The following GLO1 variants were observed in gnomAD, a reference collection of about 807,000 sequenced individuals.
GLO1 encodes the protein glyoxalase I, also known as lactoylglutathione lyase.
A neutral mutation model predicts 26.0 loss-of-function variants in GLO1; 28 were observed. The ratio of observed to expected loss-of-function variants is 1.08; its 90% CI spans 0.80 to 1.48. The LOEUF (loss-of-function observed/expected upper bound fraction) is 1.48. GLO1 is among the 40% of genes most tolerant of loss of function. GLO1 has a pLI of 0.00. For missense variants in GLO1, 225 were observed against 224.8 expected, an observed-to-expected ratio of 1.00 and a Z score of -0.01; for synonymous variants, 78 against 77.6, an observed-to-expected ratio of 1.00 and a Z score of -0.03.
In GLO1 at chr6:38,682,089, A is replaced by C. The variant is rs755882211; in HGVS notation, c.389T>G (p.Ile130Ser). The C allele has an allele frequency of 6.3e-7, 1 of 1,575,338 alleles. No homozygotes were observed. The highest frequency in any genetic ancestry group is 1.1e-5 in the South Asian group (1 of 90,326). ...SDPRGFGHIG[I>S]AVPDVYSACK... is the part of the protein sequence containing the mutation. Reference sequence around the variant, plus strand: ...AGCACTGTATACATCAGGAACAGCAATTCCAATATGACCTTACGTGATACC... The same window carrying C: ...AGCACTGTATACATCAGGAACAGCACTTCCAATATGACCTTACGTGATACC... Residue 130 changes from isoleucine (I) to serine (S), a missense_variant, in exon 5 of 6, where the codon ATT becomes AGT. Physicochemically the swap from Ile to Ser is moderately radical, Grantham distance 142. Coordinates refer to ENST00000373365, the MANE Select transcript of GLO1 (RefSeq NM_006708.3).
rs1034918236 is a variant in GLO1 at position 38,677,133 on chromosome 6, A to C, written c.*162T>G. On this transcript the variant is annotated 3_prime_UTR_variant, in exon 6 of 6. Transcript: ENST00000373365. ...TGCTTGAAAACCAGAATGACTGAACAGTTAGGTGAAAAGGAACAGCTGAAA... is the reference window on the plus strand; with the variant it reads ...TGCTTGAAAACCAGAATGACTGAACCGTTAGGTGAAAAGGAACAGCTGAAA... 2 of 638,236 alleles carry C rather than the reference A, an allele frequency of 3.1e-6. No individual in the cohort carries two copies. Among genetic ancestry groups the C allele is most frequent in the Non-Finnish European group, 5.6e-6 (2 of 360,100 alleles). 39.5% of individuals were successfully genotyped at this position (638,236 alleles called of 1,614,324 possible).
chr6:38,689,817 C>T (rs114031410), intron 1 of GLO1, among the ~76,000 whole-genome samples: 2,587 of 151,986 alleles, frequency 0.017, 54 homozygotes, highest in African/African-American at 0.058. Context: ...AGTGGTGGTG[C>T]ACGAATTAAT....
At chr6:38,700,349 G>A (rs1272376657) in intron 1 of GLO1, among the ~76,000 whole-genome samples, 1 of 152,204 alleles carries the variant, frequency 6.6e-6, no homozygotes, top group Admixed American at 6.5e-5. Flanking sequence ...GATCCCCACA[G>A]CTGAAATACA....
intron 5 of GLO1, among the ~76,000 whole-genome samples, chr6:38,678,348 A>G (rs12198861): frequency 2.0e-5 from 3 of 148,540 alleles, no homozygotes; most frequent in Non-Finnish European, 3.0e-5. Context: ...GAAAGAGAGA[A>G]AGAGAGAAGG....
chr6:38,693,703 A>T (rs7741191), intron 1 of GLO1, among the ~76,000 whole-genome samples: 3 of 139,430 alleles, frequency 2.2e-5, no homozygotes, highest in Non-Finnish European at 3.0e-5. Context: ...ATATATATAT[A>T]TATTTGTTTT....
chr6:38,688,707 C>T (rs1781714), intron 1 of GLO1, among the ~76,000 whole-genome samples: 183 of 152,314 alleles, frequency 1.2e-3, no homozygotes, highest in African/African-American at 4.3e-3. Context: ...TTCTCAGTCT[C>T]AGGAGGGAGC....
At chr6:38,677,940 A>C (rs1376127743) in intron 5 of GLO1, among the ~76,000 whole-genome samples, 2 of 152,154 alleles carry the variant, frequency 1.3e-5, no homozygotes, top group Non-Finnish European at 2.9e-5. Context: ...CCTCACCTTC[A>C]TGATACCACA....
chr6:38,689,381 G>A (rs1761501626), intron 1 of GLO1, among the ~76,000 whole-genome samples: 1 of 152,132 alleles, frequency 6.6e-6, no homozygotes, highest in East Asian at 1.9e-4. Context: ...CTGCTTTGTA[G>A]TGACCCTGTT....
chr6:38,684,027 T>C (rs1761427603), intron 3 of GLO1, among the ~76,000 whole-genome samples: 1 of 152,034 alleles, frequency 6.6e-6, no homozygotes, highest in Non-Finnish European at 1.5e-5. Context: ...CTGGGCAACA[T>C]AGTGAGACCT....
intron 5 of GLO1, among the ~76,000 whole-genome samples, chr6:38,681,294 C>A (rs1339859649): frequency 3.3e-5 from 5 of 152,170 alleles, no homozygotes; most frequent in Non-Finnish European, 7.3e-5. Context: ...GATCTCCTGA[C>A]CTCGTGATCC....
chr6:38,693,685 C>CTCTCTCTATATATATATA (rs869232489), intron 1 of GLO1, among the ~76,000 whole-genome samples: 129 of 86,356 alleles, frequency 1.5e-3, no homozygotes, highest in East Asian at 2.7e-3. Context: ...CTCTCTCTCT[C>CTCTCTCTATATATATATA]TATATATATA....
chr6:38,682,960 G>T lies in GLO1; in HGVS notation c.309-85C>A, dbSNP rs1019257916. The T allele has an allele frequency of 3.1e-5, 25 of 814,308 alleles. No individual in the cohort carries two copies. In the East Asian group the frequency reaches 5.9e-4, roughly 19 times the overall value. The allele number at this position is 814,308 out of a possible 1,614,324, so 50.4% of individuals were successfully genotyped here. ...AGTAACATCTTTGAAATCTTACCAC[G>T]TTTATATGCTACTTTACATAATTGG... On this transcript the variant is annotated intron_variant, in intron 3 of 5. Coordinates refer to ENST00000373365, the MANE Select transcript of GLO1 (RefSeq NM_006708.3).
At chr6:38,698,431 T>C (rs548705939) in intron 1 of GLO1, among the ~76,000 whole-genome samples, 108 of 148,086 alleles carry the variant, frequency 7.3e-4, no homozygotes, top group Non-Finnish European at 1.3e-3. Flanking sequence ...ATCATATATA[T>C]ATATATTCAT....
chr6:38,696,914 C>T (rs1195535606), intron 1 of GLO1, among the ~76,000 whole-genome samples: 2 of 149,908 alleles, frequency 1.3e-5, no homozygotes, highest in African/African-American at 5.0e-5. Flanking sequence ...AACAGAAAGC[C>T]TTCTTCTTTT....
At chr6:38,679,244 C>T (rs6935120) in intron 5 of GLO1, among the ~76,000 whole-genome samples, 2,241 of 152,054 alleles carry the variant, frequency 0.015, 60 homozygotes, top group African/African-American at 0.051. Flanking sequence ...CTCAGCCTCC[C>T]GAGTAGCTAG....
intron 1 of GLO1, among the ~76,000 whole-genome samples, chr6:38,701,290 A>T (rs1380858042): frequency 6.6e-6 from 1 of 152,140 alleles, no homozygotes; most frequent in East Asian, 1.9e-4. Context: ...TAAATTAAAC[A>T]ATGTACTTAA....
At position 38,684,374 on chromosome 6, in the gene GLO1, T is replaced by C; in HGVS notation, c.308A>G (p.His103Arg). Reference protein sequence around the residue: ...LSRKATLELTHNWGTEDDETQ... With the variant: ...LSRKATLELTRNWGTEDDETQ... ...TATAAATATAGAAACTCATACTCAC[T>C]GTGTCAGCTCAAGTGTAGCTTTTCT... The change falls in exon 3 of 6, where the codon CAC (histidine) becomes CGC (arginine). Residue 103 changes from histidine to arginine, a missense_variant and splice_region_variant. Coordinates refer to ENST00000373365, the MANE Select transcript of GLO1 (RefSeq NM_006708.3). 1.4e-6 allele frequency: 2 copies of C among 1,438,200 alleles called. No homozygotes were observed. The highest frequency in any genetic ancestry group is 9.2e-7 in the Non-Finnish European group (1 of 1,083,476). 89.1% of individuals were successfully genotyped at this position (1,438,200 alleles called of 1,614,324 possible). A position where few individuals can be genotyped will look rare whatever the true frequency, so the allele number is the denominator to read the frequency against.
chr6:38,684,430 T>C lies in GLO1; in HGVS notation c.252A>G (p.Glu84=). The C allele has an allele frequency of 6.3e-7, 1 of 1,576,760 alleles. No homozygotes were observed. The highest frequency in any genetic ancestry group is 8.6e-7 in the Non-Finnish European group (1 of 1,159,794). Residue 84 remains glutamate (E), a synonymous_variant, in exon 3 of 6, where the codon GAA becomes GAG. Coordinates refer to ENST00000373365, the MANE Select transcript of GLO1 (RefSeq NM_006708.3). ...GCGCCCAGGCTATTTTTTCATCTTT[T>C]TCTTTAGGGATGTCATTTTTATCCT... ...AYEDKNDIPK[E]KDEKIAWALS... is the part of the protein sequence containing the mutation.
intron 1 of GLO1, 193 bp from the exon 2 acceptor site, chr6:38,687,167 A>ATTCTCT: frequency 1.1e-6 from 1 of 895,958 alleles, no homozygotes; most frequent in African/African-American, 1.8e-5. Flanking sequence ...GAAAGTTTCC[A>ATTCTCT]CTGCAGGAAT....
Sources: gnomAD v4.1 joint callset for allele counts (sites outside exome capture counted in the v4.1 genomes callset) on GRCh38, gnomAD v4.1.1 for gene constraint, MANE v1.5 for transcripts, NCBI Gene and HGNC (gene_info 2026-07-23, HGNC 2026-07-21) for gene names.